THEMIS: variants seen among roughly 807,000 people sequenced by gnomAD.
THEMIS encodes the protein protein THEMIS.
A neutral mutation model predicts 52.6 loss-of-function variants in THEMIS; 37 were observed. The ratio of observed to expected loss-of-function variants is 0.70; its 90% CI spans 0.54 to 0.93. THEMIS has a LOEUF of 0.93. THEMIS is among the 40% of genes least tolerant of loss of function. THEMIS has a pLI of 0.00. For missense variants in THEMIS, 808 were observed against 763.1 expected (o/e 1.06, Z -0.69); for synonymous variants, 292 against 272.7 (o/e 1.07, Z -0.70).
chr6:127,829,981 A>G, intron 2 of THEMIS, 47 bp from the exon 3 acceptor site: 1 of 1,398,530 alleles, frequency 7.2e-7, no homozygotes, highest in Non-Finnish European at 9.8e-7. Flanking sequence ...TTACAATGAA[A>G]GTTCTCACAA....
chr6:127,808,967 G>T (rs1777811153), intron 4 of THEMIS, among the ~76,000 whole-genome samples: 1 of 152,158 alleles, frequency 6.6e-6, no homozygotes, highest in Admixed American at 6.5e-5. Context: ...GTGAATTTTA[G>T]ATTCTTACTC....
chr6:127,813,813 C>T lies in THEMIS; in HGVS notation c.828G>A (p.Met276Ile), dbSNP rs767119746. The T allele has an allele frequency of 1.2e-6, 2 of 1,613,642 alleles. No homozygotes were observed. Among genetic ancestry groups the T allele is most frequent in the Non-Finnish European group, 1.7e-6 (2 of 1,179,860 alleles). Residue 276 changes from methionine (M) to isoleucine (I), a missense_variant, in exon 4 of 6, where the codon ATG (methionine) becomes ATA (isoleucine). Coordinates refer to ENST00000368248, the MANE Select transcript of THEMIS (RefSeq NM_001010923.3). Reference sequence around the variant, plus strand: ...TCACTATGGGGAACTCTTTACTAGTCATTTCAAAAAGATCTTCTGTTGATA... The same window carrying T: ...TCACTATGGGGAACTCTTTACTAGTTATTTCAAAAAGATCTTCTGTTGATA... Reference protein sequence around the residue: ...QLLSTEDLFEMTSKEFPIVTE... With the variant: ...QLLSTEDLFEITSKEFPIVTE...
chr6:127,774,501 G>A (rs1258171876), intron 4 of THEMIS, among the ~76,000 whole-genome samples: 2 of 152,128 alleles, frequency 1.3e-5, no homozygotes, highest in Non-Finnish European at 2.9e-5. Flanking sequence ...CACTGCGCCC[G>A]GCCAGAACCT....
At chr6:127,816,355 TA>T (rs1265740210) in intron 3 of THEMIS, among the ~76,000 whole-genome samples, 5 of 152,320 alleles carry the variant, frequency 3.3e-5, no homozygotes, top group Middle Eastern at 3.4e-3. Flanking sequence ...ACCCAAAGTA[TA>T]GCTCCAGCCA....
At chr6:127,746,040 G>A (rs925663900) in intron 4 of THEMIS, among the ~76,000 whole-genome samples, 5 of 151,846 alleles carry the variant, frequency 3.3e-5, no homozygotes, top group East Asian at 1.9e-4. Flanking sequence ...ATATTAGTAC[G>A]CATGTTTAGA....
At chr6:127,855,595 T>A (rs1397403835) in intron 1 of THEMIS, among the ~76,000 whole-genome samples, 5 of 151,924 alleles carry the variant, frequency 3.3e-5, no homozygotes, top group Non-Finnish European at 7.4e-5. Context: ...CAATTGGAGA[T>A]GAAAAAGAGG....
At chr6:127,747,479 A>T (rs1174536156) in intron 4 of THEMIS, among the ~76,000 whole-genome samples, 1 of 150,218 alleles carries the variant, frequency 6.7e-6, no homozygotes, top group Non-Finnish European at 1.5e-5. Context: ...ACAATGTTAA[A>T]TTTATATTAA....
Position 127,883,350 on chromosome 6 carries a change from T to C in THEMIS, c.91+17492A>G, listed in dbSNP as rs557899411. ...GGAGACCCTAAAAAAATGCAAATAATATTAATAATCTCACAAGAGATCTTC... is the reference window on the plus strand; with the variant it reads ...GGAGACCCTAAAAAAATGCAAATAACATTAATAATCTCACAAGAGATCTTC... On this transcript the variant is annotated intron_variant, in intron 1 of 5. Coordinates refer to ENST00000368248, the MANE Select transcript of THEMIS (RefSeq NM_001010923.3). 4.4e-4 allele frequency among the ~76,000 whole-genome samples: 67 copies of C among 151,780 alleles called. 1 individual carries two copies. Among genetic ancestry groups the C allele is most frequent in the African/African-American group, 1.6e-3 (67 of 41,466 alleles).
chr6:127,746,913 A>T (rs1448064883), intron 4 of THEMIS, among the ~76,000 whole-genome samples: 2 of 61,042 alleles, frequency 3.3e-5, no homozygotes, highest in African/African-American at 1.4e-4. Flanking sequence ...TATTATATAT[A>T]ATTATATATA....
chr6:127,914,976 GA>G (rs1431220246), intron 1 of THEMIS, among the ~76,000 whole-genome samples: 3 of 152,158 alleles, frequency 2.0e-5, no homozygotes, highest in Non-Finnish European at 2.9e-5. Flanking sequence ...TAGTGAATCT[GA>G]AAAGCTGCTA....
At chr6:127,765,518 G>A (rs1776165569) in intron 4 of THEMIS, among the ~76,000 whole-genome samples, 1 of 152,070 alleles carries the variant, frequency 6.6e-6, no homozygotes, top group African/African-American at 2.4e-5. Flanking sequence ...AATTTGTAAT[G>A]CCAAATGTAA....
rs142123167 is a variant in THEMIS at position 127,819,118 on chromosome 6, T to TAAAAAAAAAA, written c.710-5197_710-5188dup. 4.6e-4 allele frequency among the ~76,000 whole-genome samples: 9 copies of TAAAAAAAAAA among 19,480 alleles called. 1 individual carries two copies. The highest frequency in any genetic ancestry group is 1.9e-3 in the East Asian group (1 of 528). 12.8% of individuals were successfully genotyped at this position (19,480 alleles called of 152,430 possible). ...CTGGGTGAAAGAGTGAGACTCTGTC[T>TAAAAAAAAAA]AAAAAAAAAAAAAAAAAAAAAAAAA... On this transcript the variant is annotated intron_variant, in intron 3 of 5. Coordinates refer to ENST00000368248, the MANE Select transcript of THEMIS (RefSeq NM_001010923.3).
chr6:127,758,432 A>C (rs900993848), intron 4 of THEMIS, among the ~76,000 whole-genome samples: 1 of 147,864 alleles, frequency 6.8e-6, no homozygotes, highest in Non-Finnish European at 1.5e-5. Context: ...TATTATATAT[A>C]TAACATATAT....
intron 3 of THEMIS, among the ~76,000 whole-genome samples, chr6:127,824,687 C>T (rs1379198052): frequency 6.6e-6 from 1 of 152,278 alleles, no homozygotes; most frequent in African/African-American, 2.4e-5. Context: ...TTGAGAGAGA[C>T]GGGGTTTCAC....
chr6:127,722,628 A>C (rs1774400170), intron 4 of THEMIS, among the ~76,000 whole-genome samples: 1 of 151,956 alleles, frequency 6.6e-6, no homozygotes, highest in Admixed American at 6.6e-5. Flanking sequence ...TCTGTGAATG[A>C]TACTGCCTGC....
chr6:127,776,991 A>G (rs956206148), intron 4 of THEMIS, among the ~76,000 whole-genome samples: 1 of 152,004 alleles, frequency 6.6e-6, no homozygotes, highest in South Asian at 2.1e-4. Flanking sequence ...CTTTTGAACA[A>G]TGTTACAATT....
chr6:127,830,054 T>C, intron 2 of THEMIS, 120 bp from the exon 3 acceptor site: 1 of 719,812 alleles, frequency 1.4e-6, no homozygotes, highest in South Asian at 1.9e-5. Context: ...GATATCTTTT[T>C]AAAGATTAGA....
chr6:127,707,924 G>C (rs1353449629), downstream of THEMIS: 2 of 152,036 alleles, frequency 1.3e-5, no homozygotes, highest in East Asian at 3.9e-4. Context: ...GATTCAATTA[G>C]GAAGAGGCCA....
At chr6:127,817,222 T>G (rs753088812) in intron 3 of THEMIS, among the ~76,000 whole-genome samples, 19 of 152,182 alleles carry the variant, frequency 1.2e-4, no homozygotes, top group Non-Finnish European at 2.4e-4. Flanking sequence ...ACCTGGCGTA[T>G]AGTAGATACT....
Sources: gnomAD v4.1 joint callset for allele counts (sites outside exome capture counted in the v4.1 genomes callset) on GRCh38, gnomAD v4.1.1 for gene constraint, MANE v1.5 for transcripts, NCBI Gene and HGNC (gene_info 2026-07-23, HGNC 2026-07-21) for gene names.